Variants in SLC17A5 observed in about 807,000 individuals in gnomAD.
SLC17A5 encodes sialin.
SLC17A5 carries 47 observed loss-of-function variants against 59.4 expected under a neutral mutation model. The observed-to-expected ratio is 0.79, with a 90% confidence interval of 0.63 to 1.01. The LOEUF is 1.01. Ranked by LOEUF, SLC17A5 falls within the 50% of genes least tolerant of loss-of-function variation. The pLI, the probability that SLC17A5 is intolerant of heterozygous loss-of-function variation, is 0.00. For synonymous variants in SLC17A5, 202 were observed against 210.7 expected (o/e 0.96, Z 0.36); for missense variants, 522 against 595.5 (o/e 0.88, Z 1.28).
intron 1 of SLC17A5, among the ~76,000 whole-genome samples, chr6:73,648,921 T>C (rs2500219): frequency 0.49 from 74,111 of 151,876 alleles, 20,367 homozygotes; most frequent in African/African-American, 0.75. Flanking sequence ...ATCTAGATTA[T>C]GTATTGTAGT....
intron 9 of SLC17A5, among the ~76,000 whole-genome samples, chr6:73,603,265 GGGAC>G (rs1361470497): frequency 2.6e-5 from 4 of 152,018 alleles, no homozygotes; most frequent in African/African-American, 9.7e-5. Flanking sequence ...CCAAGTAGCT[GGGAC>G]TATACACGCA....
chr6:73,614,601 C>T (rs1767774601), intron 8 of SLC17A5, among the ~76,000 whole-genome samples: 1 of 152,054 alleles, frequency 6.6e-6, no homozygotes, highest in East Asian at 1.9e-4. Flanking sequence ...ACTTTTGGCA[C>T]CACCCCCAAA....
At chr6:73,648,925 T>C (rs1562002366) in intron 1 of SLC17A5, among the ~76,000 whole-genome samples, 1 of 152,084 alleles carries the variant, frequency 6.6e-6, no homozygotes, top group African/African-American at 2.4e-5. Context: ...AGATTATGTA[T>C]TGTAGTAACT....
chr6:73,597,430 G>A (rs1766865679), intron 10 of SLC17A5, among the ~76,000 whole-genome samples: 1 of 152,000 alleles, frequency 6.6e-6, no homozygotes, highest in African/African-American at 2.4e-5. Flanking sequence ...TCGTGCCACT[G>A]CACTCCAGCC....
intron 8 of SLC17A5, 51 bp from the exon 9 acceptor site, chr6:73,610,598 C>T: frequency 4.4e-6 from 7 of 1,596,212 alleles, no homozygotes; most frequent in Non-Finnish European, 6.0e-6. Context: ...TTAATATTTG[C>T]TCTACCTTAA....
At chr6:73,626,921 A>G (rs564644578) in intron 6 of SLC17A5, among the ~76,000 whole-genome samples, 5 of 151,478 alleles carry the variant, frequency 3.3e-5, no homozygotes, top group African/African-American at 1.2e-4. Context: ...ATAAGCACTC[A>G]CTGTCATGCC....
rs754000835 is a variant in SLC17A5 at position 73,595,196 on chromosome 6, G to C, written c.1369C>G (p.Gln457Glu). ...GCAGCAGCAATATAGAACACGGTTT[G>C]CCATTCTCCAACAGTGTTCTATAAA... ...LTPDNTVGEW[Q>E]TVFYIAAAIN... Residue 457 changes from glutamine to glutamate, a missense_variant, in exon 11 of 11, where the codon CAA (glutamine) becomes GAA (glutamate). Around this residue, in one of 3 missense-constraint regions of SLC17A5, gnomAD observed 153 missense variants for 168.5 expected, o/e 0.91. Transcript: ENST00000355773. 4 of 1,613,962 alleles carry C rather than the reference G, an allele frequency of 2.5e-6. No homozygotes were observed. Among genetic ancestry groups the C allele is most frequent in the Non-Finnish European group, 3.4e-6 (4 of 1,180,012 alleles).
intron 6 of SLC17A5, among the ~76,000 whole-genome samples, chr6:73,624,862 ACT>A (rs1195074956): frequency 2.0e-5 from 3 of 150,250 alleles, no homozygotes; most frequent in Non-Finnish European, 1.5e-5. Context: ...ACAGAGCAAC[ACT>A]CTGTCTCAAA....
rs1769119413 is a variant in SLC17A5, at chr6:73,638,312, T to C, written c.613+100A>G. 3.6e-6 allele frequency: 3 copies of C among 836,376 alleles called. No individual in the cohort carries two copies. In the South Asian group the frequency reaches 4.3e-5, roughly 12 times the overall value. The allele number at this position is 836,376 out of a possible 1,614,324, so 51.8% of individuals were successfully genotyped here. ...ACTTAATGTTCTCCCCAAAGGGGCA[T>C]CCAATCCAACATTGCATCGTTCTGG... On this transcript the variant is annotated intron_variant, in intron 4 of 10. Transcript: ENST00000355773.
rs1769437951 is a variant in SLC17A5 at position 73,644,390 on chromosome 6, T to TA, written c.291+16dup. ...TTTAGGATAATTAAAATTGTTTCCT[T>TA]AAAAAATAGCACCTACCGTTTGATT... On this transcript the variant is annotated intron_variant, in intron 2 of 10. Transcript: ENST00000355773. 1.2e-6 allele frequency: 2 copies of TA among 1,600,914 alleles called. No homozygotes were observed. The highest frequency in any genetic ancestry group is 1.7e-6 in the Non-Finnish European group (2 of 1,169,270).
chr6:73,610,345 T>C, intron 9 of SLC17A5, 55 bp downstream of exon 9: 1 of 1,600,626 alleles, frequency 6.2e-7, no homozygotes, highest in African/African-American at 1.3e-5. Context: ...TTTATCAGGA[T>C]TTTTAAAAAT....
intron 8 of SLC17A5, among the ~76,000 whole-genome samples, chr6:73,613,511 A>G (rs910855937): frequency 1.5e-4 from 23 of 152,098 alleles, no homozygotes; most frequent in African/African-American, 4.8e-4. Flanking sequence ...GATTACAGGC[A>G]CTTGCCACCA....
chr6:73,623,944 G>C (rs1430584077), intron 6 of SLC17A5, among the ~76,000 whole-genome samples: 1 of 151,574 alleles, frequency 6.6e-6, no homozygotes, highest in Admixed American at 6.6e-5. Context: ...TGATCTGTCC[G>C]CCTCAGCCTC....
chr6:73,631,470 T>C (rs1222955815), intron 6 of SLC17A5, among the ~76,000 whole-genome samples: 2 of 110,324 alleles, frequency 1.8e-5, no homozygotes, highest in Non-Finnish European at 3.4e-5. Flanking sequence ...AAAATATTGA[T>C]TCTTTAAACC....
chr6:73,621,737 A>C, intron 7 of SLC17A5, 67 bp downstream of exon 7: 1 of 1,298,376 alleles, frequency 7.7e-7, no homozygotes, highest in Non-Finnish European at 1.1e-6. Flanking sequence ...TTTTATACAG[A>C]TGAGAACAAA....
intron 9 of SLC17A5, among the ~76,000 whole-genome samples, chr6:73,606,904 A>G (rs1767414547): frequency 6.6e-6 from 1 of 152,246 alleles, no homozygotes; most frequent in Non-Finnish European, 1.5e-5. Context: ...AAGTCCTGAC[A>G]TATCAAATCT....
chr6:73,618,628 C>T (rs1397183657), intron 7 of SLC17A5: 1 of 425,788 alleles, frequency 2.3e-6, no homozygotes, highest in Non-Finnish European at 4.4e-6. Context: ...AGTGGAAAAC[C>T]ATCTCTATAA....
intron 6 of SLC17A5, among the ~76,000 whole-genome samples, chr6:73,629,744 C>T (rs866160844): frequency 3.9e-5 from 6 of 152,074 alleles, no homozygotes; most frequent in Non-Finnish European, 8.8e-5. Context: ...CATTGCACTC[C>T]AGCCTGGGCA....
chr6:73,623,960 G>A (rs1659944665), intron 6 of SLC17A5, among the ~76,000 whole-genome samples: 1 of 151,908 alleles, frequency 6.6e-6, no homozygotes, highest in Non-Finnish European at 1.5e-5. Flanking sequence ...GCCTCCCAAA[G>A]TGCTGGGATT....
Sources: allele counts gnomAD v4.1 joint callset (sites outside exome capture counted in the v4.1 genomes callset), GRCh38; gene constraint gnomAD v4.1.1; regional missense constraint gnomAD v4.1.1; transcripts MANE v1.5; gene names NCBI Gene and HGNC (gene_info 2026-07-23, HGNC 2026-07-21).